GALNT16: variants seen among roughly 807,000 people sequenced by gnomAD.
GALNT16 encodes polypeptide N-acetylgalactosaminyltransferase 16.
A neutral mutation model predicts 76.1 loss-of-function variants in GALNT16; 40 were observed. The observed-to-expected ratio is 0.53, with a 90% CI of 0.41 to 0.68. The LOEUF (loss-of-function observed/expected upper bound fraction) is 0.68. Ranked by LOEUF, GALNT16 falls within the 30% of genes least tolerant of loss-of-function variation. The pLI is 0.00. For missense variants in GALNT16, 621 were observed against 731.9 expected (o/e 0.85, Z 1.75); for synonymous variants, 276 against 285.2 (o/e 0.97, Z 0.32).
chr14:69,269,417 A>G (rs1323060400), intron 1 of GALNT16, among the ~76,000 whole-genome samples: 1 of 146,976 alleles, frequency 6.8e-6, no homozygotes, highest in East Asian at 2.0e-4. Flanking sequence ...TGTGTGTGGT[A>G]TGTGTATGTG....
At chr14:69,348,159 C>A in intron 14 of GALNT16, 157 bp downstream of exon 14, 1 of 668,254 alleles carries the variant, frequency 1.5e-6, no homozygotes. Flanking sequence ...TAGGTCAAGC[C>A]AATTATTCTG....
At chr14:69,368,930 T>A in the GALNT16 span, among the ~76,000 whole-genome samples, 1 of 152,240 alleles carries the variant, frequency 6.6e-6, no homozygotes, top group Non-Finnish European at 1.5e-5. Flanking sequence ...CAGGCATTCC[T>A]GTTGCCCATC....
At chr14:69,312,095 ATC>A (rs1347798775) in intron 1 of GALNT16, among the ~76,000 whole-genome samples, 2 of 150,878 alleles carry the variant, frequency 1.3e-5, no homozygotes, top group African/African-American at 2.4e-5. Context: ...CTATCTATCT[ATC>A]TATCTATATC....
chr14:69,343,493 G>A (rs2045521451), intron 12 of GALNT16, among the ~76,000 whole-genome samples: 1 of 152,248 alleles, frequency 6.6e-6, no homozygotes, highest in Non-Finnish European at 1.5e-5. Context: ...AAGAAAGTCA[G>A]TGGCCTAGAT....
chr14:69,341,636 T>C, intron 11 of GALNT16, 45 bp from the exon 12 acceptor site: 1 of 1,378,442 alleles, frequency 7.3e-7, no homozygotes, highest in Non-Finnish European at 1.0e-6. Flanking sequence ...TCGGGCTGCC[T>C]TCCACACTGG....
chr14:69,302,850 G>A (rs183655395), intron 1 of GALNT16, among the ~76,000 whole-genome samples: 2 of 152,200 alleles, frequency 1.3e-5, no homozygotes, highest in Admixed American at 1.3e-4. Context: ...TAGAATAACT[G>A]TGTCTTACAG....
chr14:69,373,696 CTTCT>C, the GALNT16 span, among the ~76,000 whole-genome samples: 511 of 152,224 alleles, frequency 3.4e-3, 7 homozygotes, highest in African/African-American at 0.011. Context: ...CCCTCTAAGT[CTTCT>C]TTCTCTTTTT....
intron 1 of GALNT16, among the ~76,000 whole-genome samples, chr14:69,276,608 G>C (rs1326687363): frequency 6.6e-6 from 1 of 151,972 alleles, no homozygotes; most frequent in Non-Finnish European, 1.5e-5. Flanking sequence ...TTGTACCCAG[G>C]AGGTGGAGGT....
chr14:69,263,093 T>G (rs2044298306), intron 1 of GALNT16, among the ~76,000 whole-genome samples: 1 of 152,176 alleles, frequency 6.6e-6, no homozygotes, highest in Non-Finnish European at 1.5e-5. Flanking sequence ...TTGCCCAGGC[T>G]GGTCTCAAAC....
At chr14:69,331,313 C>T (rs1179512383) in intron 6 of GALNT16, 151 bp from the exon 7 acceptor site, 2 of 629,352 alleles carry the variant, frequency 3.2e-6, no homozygotes, top group East Asian at 5.3e-5. Flanking sequence ...CTGCCAGGAG[C>T]CTGCCAGGGT....
chr14:69,312,006 C>T (rs1376978655), intron 1 of GALNT16, among the ~76,000 whole-genome samples: 3 of 151,458 alleles, frequency 2.0e-5, no homozygotes, highest in African/African-American at 7.3e-5. Context: ...AATTTGAGAC[C>T]CGCCTAGCGT....
At chr14:69,338,877 C>G (rs1370239994) in intron 10 of GALNT16, 100 bp downstream of exon 10, 1 of 933,860 alleles carries the variant, frequency 1.1e-6, no homozygotes, top group Non-Finnish European at 1.6e-6. Flanking sequence ...GCAGCCACCT[C>G]ACTTCTTGGG....
chr14:69,332,231 A>G (rs1199393487), intron 7 of GALNT16, among the ~76,000 whole-genome samples: 1 of 152,202 alleles, frequency 6.6e-6, no homozygotes, highest in Non-Finnish European at 1.5e-5. Flanking sequence ...TTCTGATGTG[A>G]TTACTAGAAC....
In GALNT16 at chr14:69,261,842, T is replaced by G. The variant is rs891644059; in HGVS notation, c.177+1375T>G. Among the ~76,000 whole-genome samples, 1 of 151,990 alleles carries G rather than the reference T, an allele frequency of 6.6e-6. No homozygotes were observed. The highest frequency in any genetic ancestry group is 1.5e-5 in the Non-Finnish European group (1 of 67,994). Reference sequence around the variant, plus strand: ...TTGTGGGTTTTGTCCTAGATACCAGTCTGGGTGAACTCTCTGGGGGCAAGC... The same window carrying G: ...TTGTGGGTTTTGTCCTAGATACCAGGCTGGGTGAACTCTCTGGGGGCAAGC... On this transcript the variant is annotated intron_variant, in intron 1 of 14. Coordinates refer to ENST00000448469, the MANE Select transcript of GALNT16 (RefSeq NM_001168368.2). This position sits in a 1 kb window ranked among gnomAD's most constrained non-coding sequence, Gnocchi z 6.4.
At chr14:69,263,297 A>G (rs1388618451) in intron 1 of GALNT16, among the ~76,000 whole-genome samples, 1 of 152,298 alleles carries the variant, frequency 6.6e-6, no homozygotes, top group African/African-American at 2.4e-5. Context: ...AGGTGGCTCT[A>G]AGTAAGGAGG....
At chr14:69,295,406 C>T (rs913849583) in intron 1 of GALNT16, among the ~76,000 whole-genome samples, 4 of 125,704 alleles carry the variant, frequency 3.2e-5, no homozygotes, top group Non-Finnish European at 6.4e-5. Flanking sequence ...CAAAGTGAGA[C>T]TCTGTCTCAA....
chr14:69,327,676 T>C (rs2045303043), intron 5 of GALNT16, among the ~76,000 whole-genome samples: 2 of 152,306 alleles, frequency 1.3e-5, no homozygotes, highest in South Asian at 4.1e-4. Flanking sequence ...GAGCTGCTTA[T>C]ACTCAGAGCT....
rs571202771 is a variant in GALNT16 at position 69,287,995 on chromosome 14, G to A, written c.177+27528G>A. 2.6e-4 allele frequency among the ~76,000 whole-genome samples: 39 copies of A among 152,326 alleles called. 1 individual carries two copies. The highest frequency in any genetic ancestry group is 1.7e-3 in the South Asian group (8 of 4,824). On this transcript the variant is annotated intron_variant, in intron 1 of 14. Transcript: ENST00000448469. ...GAAGTTTCTCAAGTCCTCAAAGACTGAAGTGCTAAGAGCCAAAAGTGTTTC... is the reference window on the plus strand; with the variant it reads ...GAAGTTTCTCAAGTCCTCAAAGACTAAAGTGCTAAGAGCCAAAAGTGTTTC...
At chr14:69,309,820 A>G (rs550913620) in intron 1 of GALNT16, among the ~76,000 whole-genome samples, 4 of 152,282 alleles carry the variant, frequency 2.6e-5, no homozygotes, top group African/African-American at 9.6e-5. Context: ...AAGTCTTTGT[A>G]TAGTGTTTTC....
Sources: gnomAD v4.1 joint callset for allele counts (sites outside exome capture counted in the v4.1 genomes callset) on GRCh38, gnomAD v4.1.1 for gene constraint, Gnocchi (gnomAD v3.1) non-coding constraint, MANE v1.5 for transcripts, NCBI Gene and HGNC (gene_info 2026-07-23, HGNC 2026-07-21) for gene names.